OTOF: variants seen among roughly 807,000 people sequenced by gnomAD.
The protein encoded by OTOF is fer-1-like family member 2.
OTOF carries 218 observed loss-of-function variants against 236.8 expected under a neutral mutation model. That is an observed-to-expected ratio of 0.92 (90% CI 0.82 to 1.03). OTOF has a LOEUF of 1.03. Ranked by LOEUF, OTOF falls within the 50% of genes least tolerant of loss-of-function variation. OTOF has a pLI of 0.00. For missense variants in OTOF, 2,590 were observed against 2,694.4 expected (o/e 0.96, Z 0.86); for synonymous variants, 1,041 against 1,072.5 (o/e 0.97, Z 0.57).
In OTOF at chr2:26,495,063, G is replaced by A. The variant is rs577873453; in HGVS notation, c.776C>T (p.Thr259Met). Residue 259 changes from threonine to methionine, a missense_variant, in exon 9 of 47, where the codon ACG becomes ATG. Physicochemically the swap from Thr to Met is moderately conservative, Grantham distance 81 (BLOSUM62 -1). Transcript: ENST00000272371. The part of the protein sequence containing the change: ...GRPMDYQVSI[T>M]VIEARQLVGL... ...CACCAGCTGCCGGGCCTCGATCACCGTGATGCTGACCTGCAGGCAGGAGAA... is the reference window on the plus strand; with the variant it reads ...CACCAGCTGCCGGGCCTCGATCACCATGATGCTGACCTGCAGGCAGGAGAA... 7.1e-5 allele frequency: 115 copies of A among 1,614,158 alleles called. No homozygotes were observed. In the South Asian group the frequency reaches 1.2e-3, roughly 16 times the overall value.
At position 26,558,575 on chromosome 2, in the gene OTOF, G is replaced by A. The variant is rs1170119852; in HGVS notation, c.-4C>T. ...TGAGGTGGATGAGCAAGGCCATGCT[G>A]GTGTGGGCTGCCTGGCACTGCCAGG... On this transcript the variant is annotated 5_prime_UTR_variant, in exon 1 of 47. Transcript: ENST00000272371. The A allele has an allele frequency of 9.9e-6, 16 of 1,613,382 alleles. No individual in the cohort carries two copies. The highest frequency in any genetic ancestry group is 1.7e-5 in the Admixed American group (1 of 60,004).
chr2:26,502,353 G>T lies in OTOF; in HGVS notation c.657C>A (p.Asp219Glu), dbSNP rs1666136266. 1.2e-6 allele frequency: 2 copies of T among 1,613,892 alleles called. No homozygotes were observed. Among genetic ancestry groups the T allele is most frequent in the African/African-American group, 1.3e-5 (1 of 74,918 alleles). Residue 219 changes from aspartate (D) to glutamate (E), a missense_variant, in exon 7 of 47, where the codon GAC (aspartate) becomes GAA (glutamate). By Grantham distance (45) the Asp-to-Glu change is conservative (BLOSUM62 2). Coordinates refer to ENST00000272371, the MANE Select transcript of OTOF (RefSeq NM_194248.3). The stretch of plus-strand genomic sequence containing the variant: ...CTGTGACTGAGGCTAGAGACACCGA[G>T]TCGGGATCCAGTCCATCTCCTAGCC... Reference protein sequence around the residue: ...AIRLGDGLDPDSVSLASVTAL... With the variant: ...AIRLGDGLDPESVSLASVTAL...
intron 33 of OTOF, among the ~76,000 whole-genome samples, chr2:26,467,708 G>T (rs1664799028): frequency 6.6e-6 from 1 of 152,250 alleles, no homozygotes; most frequent in African/African-American, 2.4e-5. Flanking sequence ...GGTGTCTGAA[G>T]ACTGTCTTCA....
chr2:26,553,534 C>G (rs1426951947), intron 1 of OTOF, among the ~76,000 whole-genome samples: 4 of 152,194 alleles, frequency 2.6e-5, no homozygotes, highest in Non-Finnish European at 5.9e-5. Flanking sequence ...CATTTCACCT[C>G]TGTGTGTATG....
rs369297137 is a variant in OTOF, at chr2:26,491,794, G to T, written c.898-2054C>A. On this transcript the variant is annotated intron_variant, in intron 9 of 46. Transcript: ENST00000272371. Reference sequence around the variant, plus strand: ...CACAGGCAGGCTCAGGGCCAGGCAGGGTGATCAGGCCAGGTGCCCGCAGAT... The same window carrying T: ...CACAGGCAGGCTCAGGGCCAGGCAGTGTGATCAGGCCAGGTGCCCGCAGAT... Among the ~76,000 whole-genome samples, 13 of 152,368 alleles carry T rather than the reference G, an allele frequency of 8.5e-5. No homozygotes were observed. The East Asian group carries it at 2.3e-3, about 27-fold the overall frequency.
intron 1 of OTOF, among the ~76,000 whole-genome samples, chr2:26,556,754 T>C (rs1667595457): frequency 6.6e-6 from 1 of 152,138 alleles, no homozygotes; most frequent in Admixed American, 6.5e-5. Flanking sequence ...CCACGCGCAG[T>C]GTTCTACCCC....
In OTOF at chr2:26,515,052, C is replaced by G. The variant is rs572107100; in HGVS notation, c.509+1366G>C. 3.9e-5 allele frequency among the ~76,000 whole-genome samples: 6 copies of G among 152,366 alleles called. No individual in the cohort carries two copies. The East Asian group carries it at 1.2e-3, about 29-fold the overall frequency. On this transcript the variant is annotated intron_variant, in intron 5 of 46. Coordinates refer to ENST00000272371, the MANE Select transcript of OTOF (RefSeq NM_194248.3). ...AGAAACCTGTTTGTCTGTCACCAGC[C>G]TGGACATGGGCAGCGCTCAGCACCT...
chr2:26,529,601 C>T (rs1241480932), intron 2 of OTOF, among the ~76,000 whole-genome samples: 1 of 152,178 alleles, frequency 6.6e-6, no homozygotes, highest in Non-Finnish European at 1.5e-5. Flanking sequence ...ATTCCCAAAG[C>T]TGAGATTCCT....
chr2:26,463,904 G>A lies in OTOF; in HGVS notation c.5103+60C>T, dbSNP rs1664600307. 23 of 1,601,666 alleles carry A rather than the reference G, an allele frequency of 1.4e-5. No homozygotes were observed. In the South Asian group the frequency reaches 2.4e-4, roughly 17 times the overall value. ...CCTGGCTTCTACCTTTACTGACTCA[G>A]GTTGGGGATCCCTGGTCCCCAATAC... On this transcript the variant is annotated intron_variant, in intron 40 of 46. Transcript: ENST00000272371.
At chr2:26,527,551 A>G (rs1421386381) in intron 3 of OTOF, among the ~76,000 whole-genome samples, 2 of 152,160 alleles carry the variant, frequency 1.3e-5, no homozygotes, top group Admixed American at 6.5e-5. Context: ...AGTCTTTAAG[A>G]CAGGAAGCTT....
Position 26,470,776 on chromosome 2 carries a change from C to T in OTOF, c.3895-55G>A. On this transcript the variant is annotated intron_variant, in intron 31 of 46. Coordinates refer to ENST00000272371, the MANE Select transcript of OTOF (RefSeq NM_194248.3). This position sits in a 1 kb window ranked among gnomAD's most constrained non-coding sequence, Gnocchi z 4.3. Reference sequence around the variant, plus strand: ...ATGGACTCCTCCTGCCTGGACAATCCCGAGAGCCTCCACCCATTCCGCCAT... The same window carrying T: ...ATGGACTCCTCCTGCCTGGACAATCTCGAGAGCCTCCACCCATTCCGCCAT... 1 of 1,592,748 alleles carries T rather than the reference C, an allele frequency of 6.3e-7. No individual in the cohort carries two copies.
At position 26,558,607 on chromosome 2, in the gene OTOF, C is replaced by G. The variant is rs773053763; in HGVS notation, c.-36G>C. The G allele has an allele frequency of 4.4e-6, 7 of 1,573,946 alleles. No homozygotes were observed. In the Admixed American group the frequency reaches 1.2e-4, roughly 26 times the overall value. On this transcript the variant is annotated 5_prime_UTR_variant, in exon 1 of 47. Coordinates refer to ENST00000272371, the MANE Select transcript of OTOF (RefSeq NM_194248.3). ...GCTGCCTGGCACTGCCAGGCAGGAGCAGCGGGAAGGAGCTAGCCGGTGGAG... is the reference window on the plus strand; with the variant it reads ...GCTGCCTGGCACTGCCAGGCAGGAGGAGCGGGAAGGAGCTAGCCGGTGGAG...
intron 5 of OTOF, among the ~76,000 whole-genome samples, chr2:26,504,780 C>T (rs1287330467): frequency 6.6e-6 from 1 of 152,210 alleles, no homozygotes; most frequent in South Asian, 2.1e-4. Context: ...TGTTCCATTA[C>T]CCCATCCATA....
At chr2:26,476,425 C>T (rs1665272557) in intron 22 of OTOF, 108 bp from the exon 23 acceptor site, 1 of 1,056,114 alleles carries the variant, frequency 9.5e-7, no homozygotes, top group Non-Finnish European at 1.4e-6. Flanking sequence ...CCTGCCCCTT[C>T]ACAGCCATCC....
intron 38 of OTOF, among the ~76,000 whole-genome samples, chr2:26,465,248 C>A (rs1664671675): frequency 6.6e-6 from 1 of 152,188 alleles, no homozygotes; most frequent in Admixed American, 6.5e-5. Context: ...GTGTCCCCAG[C>A]CTAGCCCCAC....
chr2:26,485,597 C>T (rs537743553), intron 11 of OTOF, among the ~76,000 whole-genome samples: 223 of 152,318 alleles, frequency 1.5e-3, no homozygotes, highest in Non-Finnish European at 2.8e-3. Context: ...CAAAGGGAAG[C>T]GCATCACTGT....
In OTOF at chr2:26,477,276, G is replaced by T. The variant is rs750423841; in HGVS notation, c.2419C>A (p.Gln807Lys). ...TGGGCCCGCAGCATCCTGGCCTGCTGCCCCATGTTTTCCTGCGAAGGAGGG... is the reference window on the plus strand; with the variant it reads ...TGGGCCCGCAGCATCCTGGCCTGCTTCCCCATGTTTTCCTGCGAAGGAGGG... ...SCMRELENMG[Q>K]QARMLRAQVK... is the part of the protein sequence containing the mutation. Residue 807 changes from glutamine (Q) to lysine (K), a missense_variant, in exon 21 of 47, where the codon CAG becomes AAG. Physicochemically the swap from Gln to Lys is moderately conservative, Grantham distance 53. Transcript: ENST00000272371. The surrounding 1 kb of genome is among the most constrained non-coding windows in gnomAD (Gnocchi z 4.7). 94 of 1,609,150 alleles carry T rather than the reference G, an allele frequency of 5.8e-5. No individual in the cohort carries two copies. The highest frequency in any genetic ancestry group is 7.6e-5 in the Non-Finnish European group (90 of 1,178,952).
rs1018875601 is a variant in OTOF, at chr2:26,461,210, A to AG, written c.5534-181dup. Among the ~76,000 whole-genome samples, 23 of 152,168 alleles carry AG rather than the reference A, an allele frequency of 1.5e-4. No homozygotes were observed. Among genetic ancestry groups the AG allele is most frequent in the African/African-American group, 5.5e-4 (23 of 41,528 alleles). Reference sequence around the variant, plus strand: ...ATGCAGGCATCCTCGTGGGCTTGCTAGGCAGCCCCAGCCCCCATGCTTTAC... The same window carrying AG: ...ATGCAGGCATCCTCGTGGGCTTGCTAGGGCAGCCCCAGCCCCCATGCTTTAC... On this transcript the variant is annotated intron_variant, in intron 43 of 46. Coordinates refer to ENST00000272371, the MANE Select transcript of OTOF (RefSeq NM_194248.3). The surrounding 1 kb of genome is among the most constrained non-coding windows in gnomAD (Gnocchi z 6.2).
chr2:26,545,040 CAAAAAA>C (rs56104110), intron 1 of OTOF, among the ~76,000 whole-genome samples: 1 of 136,480 alleles, frequency 7.3e-6, no homozygotes, highest in Non-Finnish European at 1.6e-5. Flanking sequence ...GATGCCATCC[CAAAAAA>C]AAAAAAAAAG....
Sources: allele counts gnomAD v4.1 joint callset (sites outside exome capture counted in the v4.1 genomes callset), GRCh38; gene constraint gnomAD v4.1.1; non-coding constraint Gnocchi (gnomAD v3.1); transcripts MANE v1.5; gene names NCBI Gene and HGNC (gene_info 2026-07-23, HGNC 2026-07-21).